Variants in ARMC9 observed in about 807,000 individuals in gnomAD.
ARMC9 encodes lisH domain-containing protein ARMC9.
ARMC9 carries 94 observed loss-of-function variants against 107.0 expected under a neutral mutation model. That is an observed-to-expected ratio of 0.88 (90% CI 0.74 to 1.04). The LOEUF is 1.04. Among genes scored for constraint, ARMC9 ranks in the 50% least tolerant of loss-of-function variants. The pLI is 0.00. For synonymous variants in ARMC9, 380 were observed against 396.9 expected, an observed-to-expected ratio of 0.96 and a Z score of 0.51; for missense variants, 942 against 1,030.1, an observed-to-expected ratio of 0.91 and a Z score of 1.17.
intron 23 of ARMC9, among the ~76,000 whole-genome samples, chr2:231,368,369 C>G (rs548071178): frequency 6.6e-6 from 1 of 152,078 alleles, no homozygotes; most frequent in Non-Finnish European, 1.5e-5. Context: ...TCTCAGCACG[C>G]GTGAGCTTGA....
At chr2:231,206,372 C>G in intron 2 of ARMC9, 83 bp downstream of exon 2, 2 of 1,091,366 alleles carry the variant, frequency 1.8e-6, no homozygotes, top group Non-Finnish European at 2.7e-6. Flanking sequence ...CTATTTAGTG[C>G]CTTGTAATGT....
intron 17 of ARMC9, among the ~76,000 whole-genome samples, chr2:231,284,400 C>G (rs1231958753): frequency 6.6e-6 from 1 of 152,222 alleles, no homozygotes. Flanking sequence ...GACAAACATT[C>G]AAGAGCAATA....
Position 231,376,180 on chromosome 2 carries a change from C to T in ARMC9, c.*4645C>T, listed in dbSNP as rs1439672259. Among the ~76,000 whole-genome samples, 1 of 152,086 alleles carries T rather than the reference C, an allele frequency of 6.6e-6. No individual in the cohort carries two copies. Among genetic ancestry groups the T allele is most frequent in the African/African-American group, 2.4e-5 (1 of 41,386 alleles). Reference sequence around the variant, plus strand: ...TGCATTAACTGCACAAATTGTACAGCATGTGTGTTTGCGCAATATGAAATC... The same window carrying T: ...TGCATTAACTGCACAAATTGTACAGTATGTGTGTTTGCGCAATATGAAATC... On this transcript the variant is annotated 3_prime_UTR_variant, in exon 25 of 25. Transcript: ENST00000611582.
At chr2:231,239,909 G>C (rs2125371342) in intron 8 of ARMC9, 34 bp from the exon 9 acceptor site, 2 of 1,582,430 alleles carry the variant, frequency 1.3e-6, no homozygotes, top group East Asian at 4.5e-5. Flanking sequence ...TGAGTTTCAT[G>C]CCATCACCAG....
intron 19 of ARMC9, among the ~76,000 whole-genome samples, chr2:231,326,185 A>G (rs1317632942): frequency 2.6e-5 from 4 of 152,210 alleles, no homozygotes; most frequent in Admixed American, 1.3e-4. Context: ...CTGGGCAGAA[A>G]GGGGCTGCCC....
In ARMC9 at chr2:231,363,883, C is replaced by CAA. The variant is rs1176736980; in HGVS notation, c.2261+3026_2261+3027dup. 3.0e-3 allele frequency among the ~76,000 whole-genome samples: 49 copies of CAA among 16,272 alleles called. 3 individuals are homozygous for CAA. Among genetic ancestry groups the CAA allele is most frequent in the East Asian group, 5.1e-3 (2 of 390 alleles). 10.7% of individuals were successfully genotyped at this position (16,272 alleles called of 152,430 possible). ...TGGACGACAGAGTAAGACTCCGTCT[C>CAA]AAAAAAAAAAAAAAAAAAAAAAAAA... On this transcript the variant is annotated intron_variant, in intron 23 of 24. Transcript: ENST00000611582.
At position 231,372,342 on chromosome 2, in the gene ARMC9, C is replaced by T. The variant is rs1003406137; in HGVS notation, c.*807C>T. The T allele has an allele frequency of 1.3e-5, 2 of 152,312 alleles. No homozygotes were observed. The highest frequency in any genetic ancestry group is 2.9e-5 in the Non-Finnish European group (2 of 68,168). 9.4% of individuals were successfully genotyped at this position (152,312 alleles called of 1,614,324 possible). A position where few individuals can be genotyped will look rare whatever the true frequency, so the allele number is the denominator to read the frequency against. On this transcript the variant is annotated 3_prime_UTR_variant, in exon 25 of 25. Coordinates refer to ENST00000611582, the MANE Select transcript of ARMC9 (RefSeq NM_001352754.2). ...CGAGATCGTGCCACTGCACTCTAGC[C>T]TGGGTGACAGAGCGAGACTCCGTCC...
At chr2:231,324,608 G>C (rs1307414754) in intron 19 of ARMC9, among the ~76,000 whole-genome samples, 1 of 151,758 alleles carries the variant, frequency 6.6e-6, no homozygotes, top group Non-Finnish European at 1.5e-5. Flanking sequence ...AAAATTAGTA[G>C]TGGCGCCTGC....
chr2:231,208,226 A>G lies in ARMC9; in HGVS notation c.151A>G (p.Arg51Gly). The G allele has an allele frequency of 1.2e-6, 2 of 1,609,766 alleles. No homozygotes were observed. Among genetic ancestry groups the G allele is most frequent in the African/African-American group, 1.3e-5 (1 of 74,842 alleles). The change falls in exon 3 of 25, where the codon AGA (arginine) becomes GGA (glycine). Residue 51 changes from arginine to glycine, a missense_variant. Arg to Gly is a moderately radical substitution (Grantham distance 125). Coordinates refer to ENST00000611582, the MANE Select transcript of ARMC9 (RefSeq NM_001352754.2). ...GTGTAAAACAGTAGGCGGATCTTTCAGAGACTCCAAATCATTGACAATTCA... is the reference window on the plus strand; with the variant it reads ...GTGTAAAACAGTAGGCGGATCTTTCGGAGACTCCAAATCATTGACAATTCA... ...PLCKTVGGSF[R>G]DSKSLTIQKD...
At chr2:231,212,467 G>T (rs889782047) in intron 3 of ARMC9, among the ~76,000 whole-genome samples, 3 of 152,212 alleles carry the variant, frequency 2.0e-5, no homozygotes, top group Non-Finnish European at 4.4e-5. Context: ...TGTGGACTCT[G>T]CCAAGCCACA....
chr2:231,246,177 A>G (rs1176485036), intron 9 of ARMC9, among the ~76,000 whole-genome samples: 2 of 152,212 alleles, frequency 1.3e-5, no homozygotes, highest in East Asian at 3.8e-4. Context: ...ATAAGGCCCC[A>G]TTGGAAATAA....
chr2:231,204,469 A>G (rs931556058), intron 1 of ARMC9, among the ~76,000 whole-genome samples: 2 of 152,114 alleles, frequency 1.3e-5, no homozygotes, highest in Non-Finnish European at 2.9e-5. Context: ...CAGTGAGGCC[A>G]TCAACCACTC....
chr2:231,211,977 A>G (rs778653793), intron 3 of ARMC9, among the ~76,000 whole-genome samples: 13 of 152,196 alleles, frequency 8.5e-5, no homozygotes, highest in Non-Finnish European at 1.6e-4. Flanking sequence ...CAAATGAAAA[A>G]TGCCTGGGTT....
chr2:231,289,598 A>G (rs1385281800), intron 17 of ARMC9, among the ~76,000 whole-genome samples: 1 of 152,218 alleles, frequency 6.6e-6, no homozygotes, highest in Non-Finnish European at 1.5e-5. Flanking sequence ...TGTGAGATAG[A>G]TATAAAATTC....
intron 19 of ARMC9, among the ~76,000 whole-genome samples, chr2:231,317,315 C>G (rs560120721): frequency 6.6e-6 from 1 of 152,012 alleles, no homozygotes; most frequent in Non-Finnish European, 1.5e-5. Context: ...GGATTACAGG[C>G]GCCTGCCACC....
At chr2:231,334,876 C>T (rs1023191799) in intron 20 of ARMC9, among the ~76,000 whole-genome samples, 6 of 152,044 alleles carry the variant, frequency 3.9e-5, no homozygotes, top group Non-Finnish European at 8.8e-5. Context: ...ATTTTTGTCG[C>T]GTTTTGTGTG....
intron 7 of ARMC9, 148 bp downstream of exon 7, chr2:231,226,946 G>A (rs1236981371): frequency 3.3e-6 from 3 of 898,174 alleles, no homozygotes; most frequent in Non-Finnish European, 5.1e-6. Context: ...ATAGTGACCT[G>A]CAGTTCCTTG....
At chr2:231,217,394 G>A (rs149525777) in intron 5 of ARMC9, among the ~76,000 whole-genome samples, 8 of 152,082 alleles carry the variant, frequency 5.3e-5, no homozygotes, top group Admixed American at 5.2e-4. Context: ...GACCAGCCTG[G>A]CCAACATGGG....
chr2:231,273,099 C>T, intron 14 of ARMC9, 21 bp downstream of exon 14: 1 of 1,606,406 alleles, frequency 6.2e-7, no homozygotes, highest in Non-Finnish European at 8.5e-7. Flanking sequence ...TGCAATAGGT[C>T]ACGGTGTCTC....
Sources: allele counts gnomAD v4.1 joint callset (sites outside exome capture counted in the v4.1 genomes callset), GRCh38; gene constraint gnomAD v4.1.1; transcripts MANE v1.5; gene names NCBI Gene and HGNC (gene_info 2026-07-23, HGNC 2026-07-21).